The following KIRREL3 variants were observed in gnomAD, a reference collection of about 807,000 sequenced individuals.
KIRREL3 encodes kin of IRRE-like protein 3.
KIRREL3 carries 36 observed loss-of-function variants against 89.7 expected under a neutral mutation model. The observed-to-expected ratio is 0.40, with a 90% CI of 0.31 to 0.53. The LOEUF is 0.53. KIRREL3 is among the 20% of genes least tolerant of loss of function. KIRREL3 has a pLI of 0.49. For synonymous variants in KIRREL3, 445 were observed against 441.4 expected, an observed-to-expected ratio of 1.01 and a Z score of -0.10; for missense variants, 864 against 1,056.6, an observed-to-expected ratio of 0.82 and a Z score of 2.53.
intron 1 of KIRREL3, among the ~76,000 whole-genome samples, chr11:126,665,951 A>G (rs186656430): frequency 7.2e-5 from 11 of 152,370 alleles, no homozygotes; most frequent in Admixed American, 5.2e-4. Flanking sequence ...GTAAAAATAT[A>G]TACAAACTTA....
rs1355861974 is a variant in KIRREL3 at position 126,664,954 on chromosome 11, C to A, written c.56-102042G>T. ...AACTGTGCTCTTACTCTGCAGCCTT[C>A]GACACATTATTCATAACATGATGAT... On this transcript the variant is annotated intron_variant, in intron 1 of 16. Coordinates refer to ENST00000525144, the MANE Select transcript of KIRREL3 (RefSeq NM_032531.4). The surrounding 1 kb of genome is among the most constrained non-coding windows in gnomAD (Gnocchi z 5.4). 6.6e-6 allele frequency among the ~76,000 whole-genome samples: 1 copy of A among 152,190 alleles called. No homozygotes were observed. Among genetic ancestry groups the A allele is most frequent in the East Asian group, 1.9e-4 (1 of 5,202 alleles).
chr11:126,616,330 A>C (rs116010161), intron 1 of KIRREL3, among the ~76,000 whole-genome samples: 1,928 of 152,288 alleles, frequency 0.013, 32 homozygotes, highest in African/African-American at 0.043. Context: ...TTCCTTTCAA[A>C]TGGGGTGCAC....
In KIRREL3 at chr11:126,425,033, C is replaced by A; in HGVS notation, c.1894-10G>T. 6.6e-7 allele frequency: 1 copy of A among 1,510,574 alleles called. No homozygotes were observed. Among genetic ancestry groups the A allele is most frequent in the African/African-American group, 1.4e-5 (1 of 72,154 alleles). 93.6% of individuals were successfully genotyped at this position (1,510,574 alleles called of 1,614,324 possible). The stretch of plus-strand genomic sequence containing the variant: ...AGCCATTGGTGGGGTCCTGGATGGG[C>A]GAGAGGAAGAGGAGCGTCACCTGGT... On this transcript the variant is annotated splice_polypyrimidine_tract_variant and intron_variant, in intron 16 of 16. Transcript: ENST00000525144.
intron 1 of KIRREL3, among the ~76,000 whole-genome samples, chr11:126,960,370 G>A (rs1297444088): frequency 6.6e-6 from 1 of 152,110 alleles, no homozygotes; most frequent in African/African-American, 2.4e-5. Context: ...CAGATATCCA[G>A]CCGAGGACAC....
rs1285162501 is a variant in KIRREL3 at position 126,877,951 on chromosome 11, T to TC, written c.55+122503dup. 6.6e-6 allele frequency among the ~76,000 whole-genome samples: 1 copy of TC among 152,144 alleles called. No individual in the cohort carries two copies. Among genetic ancestry groups the TC allele is most frequent in the Non-Finnish European group, 1.5e-5 (1 of 68,032 alleles). ...AGAGACATAGTCCAAGCTTCTCACT[T>TC]CACCAATGATGGGACCTAGAATCAA... On this transcript the variant is annotated intron_variant, in intron 1 of 16. Coordinates refer to ENST00000525144, the MANE Select transcript of KIRREL3 (RefSeq NM_032531.4). The surrounding 1 kb of genome is among the most constrained non-coding windows in gnomAD (Gnocchi z 4.9).
At chr11:126,899,517 T>C (rs1946289545) in intron 1 of KIRREL3, among the ~76,000 whole-genome samples, 1 of 152,214 alleles carries the variant, frequency 6.6e-6, no homozygotes, top group Admixed American at 6.5e-5. Flanking sequence ...TGGTGACCAC[T>C]TTTCTCCTTC....
At chr11:126,926,755 G>T (rs111282991) in intron 1 of KIRREL3, among the ~76,000 whole-genome samples, 1 of 152,204 alleles carries the variant, frequency 6.6e-6, no homozygotes, top group Admixed American at 6.5e-5. Context: ...AACCTCTGAC[G>T]TTGGGTGGCT....
rs1354336573 is a variant in KIRREL3, at chr11:126,705,368, T to G, written c.56-142456A>C. On this transcript the variant is annotated intron_variant, in intron 1 of 16. Coordinates refer to ENST00000525144, the MANE Select transcript of KIRREL3 (RefSeq NM_032531.4). The surrounding 1 kb of genome is among the most constrained non-coding windows in gnomAD (Gnocchi z 4.3). The stretch of plus-strand genomic sequence containing the variant: ...TGGTTTGGCACTAACCTCTTGGTGA[T>G]AAGTGAGTTGTTGATCAGTTTGTTC... Among the ~76,000 whole-genome samples, 1 of 152,200 alleles carries G rather than the reference T, an allele frequency of 6.6e-6. No individual in the cohort carries two copies. Among genetic ancestry groups the G allele is most frequent in the African/African-American group, 2.4e-5 (1 of 41,452 alleles).
chr11:126,817,799 C>A lies in KIRREL3; in HGVS notation c.55+182656G>T, dbSNP rs1475621112. Among the ~76,000 whole-genome samples the A allele has an allele frequency of 1.3e-5, 2 of 152,174 alleles. No homozygotes were observed. The highest frequency in any genetic ancestry group is 4.8e-5 in the African/African-American group (2 of 41,440). On this transcript the variant is annotated intron_variant, in intron 1 of 16. Transcript: ENST00000525144. The surrounding 1 kb of genome is among the most constrained non-coding windows in gnomAD (Gnocchi z 5.7). The stretch of plus-strand genomic sequence containing the variant: ...GTGATGGACCCATATCTAGAGGTGA[C>A]TCTGGCACTCTGGCTGTCCCAACCC...
chr11:126,835,376 G>A (rs1483867467), intron 1 of KIRREL3, among the ~76,000 whole-genome samples: 6 of 152,144 alleles, frequency 3.9e-5, no homozygotes, highest in Non-Finnish European at 1.5e-5. Flanking sequence ...CTTGAATGTA[G>A]GAAAAGAATT....
chr11:126,974,674 T>A (rs1487383685), intron 1 of KIRREL3, among the ~76,000 whole-genome samples: 2 of 152,032 alleles, frequency 1.3e-5, no homozygotes, highest in African/African-American at 2.4e-5. Context: ...CTAGGCTACA[T>A]GGTATAGCCT....
At chr11:126,511,547 G>A (rs1274735584) in intron 4 of KIRREL3, among the ~76,000 whole-genome samples, 3 of 152,140 alleles carry the variant, frequency 2.0e-5, no homozygotes, top group Non-Finnish European at 4.4e-5. Context: ...CCCGGCTCAT[G>A]GGCATTGCGT....
In KIRREL3 at chr11:126,477,991, C is replaced by G. The variant is rs532423788; in HGVS notation, c.434-4525G>C. ...GGGTCTATCACCAACACCAAACCCT[C>G]CAGGGGCTTCCCGCTGAAGGAGAGT... On this transcript the variant is annotated intron_variant, in intron 4 of 16. Coordinates refer to ENST00000525144, the MANE Select transcript of KIRREL3 (RefSeq NM_032531.4). The surrounding 1 kb of genome is among the most constrained non-coding windows in gnomAD (Gnocchi z 4.8). Among the ~76,000 whole-genome samples, 53 of 152,220 alleles carry G rather than the reference C, an allele frequency of 3.5e-4. No individual in the cohort carries two copies. The highest frequency in any genetic ancestry group is 6.6e-4 in the Non-Finnish European group (45 of 68,038).
rs1324724001 is a variant in KIRREL3 at position 126,897,442 on chromosome 11, C to T, written c.55+103013G>A. Among the ~76,000 whole-genome samples the T allele has an allele frequency of 2.0e-5, 3 of 152,110 alleles. No homozygotes were observed. The highest frequency in any genetic ancestry group is 4.8e-5 in the African/African-American group (2 of 41,414). ...AAAATGAATGTGCAATTCAACTGTA[C>T]CCCAGAACAGTCCATCATGAACTTG... On this transcript the variant is annotated intron_variant, in intron 1 of 16. Transcript: ENST00000525144. This position sits in a 1 kb window ranked among gnomAD's most constrained non-coding sequence, Gnocchi z 4.2.
rs888160445 is a variant in KIRREL3 at position 126,576,127 on chromosome 11, T to C, written c.56-13215A>G. On this transcript the variant is annotated intron_variant, in intron 1 of 16. Coordinates refer to ENST00000525144, the MANE Select transcript of KIRREL3 (RefSeq NM_032531.4). This position sits in a 1 kb window ranked among gnomAD's most constrained non-coding sequence, Gnocchi z 5.4. Reference sequence around the variant, plus strand: ...CAGACAGGGATGATCTACTCTAATGTTCAACAGATTAATATTTGATTTAGC... The same window carrying C: ...CAGACAGGGATGATCTACTCTAATGCTCAACAGATTAATATTTGATTTAGC... 6.6e-6 allele frequency among the ~76,000 whole-genome samples: 1 copy of C among 152,170 alleles called. No homozygotes were observed. Among genetic ancestry groups the C allele is most frequent in the Non-Finnish European group, 1.5e-5 (1 of 68,040 alleles).
chr11:126,754,145 A>G lies in KIRREL3; in HGVS notation c.56-191233T>C, dbSNP rs1048963412. Among the ~76,000 whole-genome samples, 3 of 152,204 alleles carry G rather than the reference A, an allele frequency of 2.0e-5. No homozygotes were observed. The highest frequency in any genetic ancestry group is 2.0e-4 in the Admixed American group (3 of 15,286). ...TGAATTAATTTAATTTGAAATATCA[A>G]ATTAAATTAAACTGTAGAATAATCC... is the stretch of plus-strand genomic sequence containing the variant. On this transcript the variant is annotated intron_variant, in intron 1 of 16. Transcript: ENST00000525144. This position sits in a 1 kb window ranked among gnomAD's most constrained non-coding sequence, Gnocchi z 5.1.
In KIRREL3 at chr11:126,997,002, G is replaced by C. The variant is rs1950196682; in HGVS notation, c.55+3453C>G. Among the ~76,000 whole-genome samples the C allele has an allele frequency of 6.6e-6, 1 of 152,074 alleles. No homozygotes were observed. Among genetic ancestry groups the C allele is most frequent in the Admixed American group, 6.5e-5 (1 of 15,280 alleles). The stretch of plus-strand genomic sequence containing the variant: ...TAGAAGGCGCCAAGTTCTTGCCACT[G>C]TGGCTCCCCTGTCTATCTCCCCTGT... On this transcript the variant is annotated intron_variant, in intron 1 of 16. Coordinates refer to ENST00000525144, the MANE Select transcript of KIRREL3 (RefSeq NM_032531.4). This position sits in a 1 kb window ranked among gnomAD's most constrained non-coding sequence, Gnocchi z 4.3.
chr11:126,975,490 T>A (rs1949540202), intron 1 of KIRREL3, among the ~76,000 whole-genome samples: 1 of 152,200 alleles, frequency 6.6e-6, no homozygotes, highest in South Asian at 2.1e-4. Flanking sequence ...GGTACAGAAG[T>A]GGGACTACCA....
intron 1 of KIRREL3, among the ~76,000 whole-genome samples, chr11:126,930,937 G>T (rs1947924360): frequency 1.3e-5 from 2 of 152,182 alleles, no homozygotes. Flanking sequence ...GAACGACCTG[G>T]ATTTGCCAGG....
Sources: gnomAD v4.1 joint callset for allele counts (sites outside exome capture counted in the v4.1 genomes callset) on GRCh38, gnomAD v4.1.1 for gene constraint, Gnocchi (gnomAD v3.1) non-coding constraint, MANE v1.5 for transcripts, NCBI Gene and HGNC (gene_info 2026-07-23, HGNC 2026-07-21) for gene names.